TARS3: variants seen among roughly 807,000 people sequenced by gnomAD.
TARS3 encodes threonine--tRNA ligase 2, cytoplasmic.
A neutral mutation model predicts 103.5 loss-of-function variants in TARS3; 94 were observed. The ratio of observed to expected loss-of-function variants is 0.91; its 90% CI spans 0.77 to 1.08. The LOEUF is 1.08. Among genes scored for constraint, TARS3 ranks in the 50% least tolerant of loss-of-function variants. The pLI is 0.00. For missense variants in TARS3, 952 were observed against 995.2 expected, an observed-to-expected ratio of 0.96 and a Z score of 0.58; for synonymous variants, 416 against 355.4, an observed-to-expected ratio of 1.17 and a Z score of -1.92.
intron 12 of TARS3, among the ~76,000 whole-genome samples, chr15:101,677,824 G>T (rs575131533): frequency 6.6e-6 from 1 of 151,384 alleles, no homozygotes; most frequent in Non-Finnish European, 1.5e-5. Flanking sequence ...TAGAGACAGG[G>T]TTTCTCCATG....
chr15:101,682,200 T>C (rs1365002653), intron 12 of TARS3, among the ~76,000 whole-genome samples: 1 of 152,152 alleles, frequency 6.6e-6, no homozygotes, highest in African/African-American at 2.4e-5. Flanking sequence ...CCTTACCTAA[T>C]ATCTGATTTT....
At chr15:101,674,580 G>A (rs1897945801) in intron 13 of TARS3, among the ~76,000 whole-genome samples, 1 of 152,098 alleles carries the variant, frequency 6.6e-6, no homozygotes. Context: ...GCCGAGGCAG[G>A]AGGATCAGGA....
intron 2 of TARS3, among the ~76,000 whole-genome samples, chr15:101,721,653 C>G (rs1246568884): frequency 6.6e-6 from 1 of 152,124 alleles, no homozygotes; most frequent in Admixed American, 6.5e-5. Context: ...CACCACCCTG[C>G]CAGACTAATT....
At chr15:101,671,868 G>A (rs1162760996) in intron 13 of TARS3, 120 bp from the exon 14 acceptor site, 3 of 803,134 alleles carry the variant, frequency 3.7e-6, no homozygotes, top group Middle Eastern at 3.7e-4. Context: ...TATATTTATT[G>A]AGCATCTTTT....
intron 8 of TARS3, 26 bp downstream of exon 8, chr15:101,703,833 T>C (rs542128913): frequency 1.5e-4 from 226 of 1,482,400 alleles, no homozygotes; most frequent in Admixed American, 5.7e-4. Context: ...TTAAGTTTAC[T>C]GTATTAAAAA....
rs754237104 is a variant in TARS3, at chr15:101,721,154, T to C, written c.538A>G (p.Thr180Ala). 5.0e-6 allele frequency: 8 copies of C among 1,601,974 alleles called. No homozygotes were observed. Among genetic ancestry groups the C allele is most frequent in the South Asian group, 2.2e-5 (2 of 90,590 alleles). Residue 180 changes from threonine (T) to alanine (A), a missense_variant, in exon 3 of 19, where the codon ACG becomes GCG. Thr to Ala is a moderately conservative substitution (Grantham distance 58). Coordinates refer to ENST00000335968, the MANE Select transcript of TARS3 (RefSeq NM_152334.3). ...ATTTCAGCAGCCACTTGGTAAGGCGTTGTTTTCCAGACTTCCCCTTGCACT... is the reference window on the plus strand; with the variant it reads ...ATTTCAGCAGCCACTTGGTAAGGCGCTGTTTTCCAGACTTCCCCTTGCACT... The part of the protein sequence containing the change: ...QTVQGEVWKT[T>A]PYQVAAEISQ...
intron 15 of TARS3, among the ~76,000 whole-genome samples, chr15:101,663,203 T>A (rs1436381858): frequency 3.3e-5 from 5 of 152,188 alleles, no homozygotes; most frequent in East Asian, 3.8e-4. Context: ...AATTTTTTTT[T>A]AAATTATACT....
At chr15:101,688,327 C>G (rs1898562787) in intron 10 of TARS3, among the ~76,000 whole-genome samples, 1 of 152,124 alleles carries the variant, frequency 6.6e-6, no homozygotes, top group Admixed American at 6.6e-5. Flanking sequence ...AAATATGTCT[C>G]ATGCCATGCC....
chr15:101,672,492 A>G (rs1404043699), intron 13 of TARS3, among the ~76,000 whole-genome samples: 1 of 152,116 alleles, frequency 6.6e-6, no homozygotes, highest in Non-Finnish European at 1.5e-5. Context: ...CATCACCTCC[A>G]ACATACGGGT....
chr15:101,656,038 A>G, intron 18 of TARS3: 1 of 1,289,228 alleles, frequency 7.8e-7, no homozygotes. Context: ...TAAGTGGAAT[A>G]AGGTAGATAT....
intron 6 of TARS3, among the ~76,000 whole-genome samples, chr15:101,707,784 A>T (rs1271028642): frequency 6.6e-6 from 1 of 152,210 alleles, no homozygotes; most frequent in Non-Finnish European, 1.5e-5. Flanking sequence ...TGGTTTGACA[A>T]CATTGTCAAT....
chr15:101,670,545 T>C (rs1897754747), intron 15 of TARS3, among the ~76,000 whole-genome samples: 1 of 152,188 alleles, frequency 6.6e-6, no homozygotes, highest in Non-Finnish European at 1.5e-5. Context: ...ATGTGGAACA[T>C]CTGGAACTCT....
At chr15:101,700,599 A>G (rs952254522) in intron 10 of TARS3, among the ~76,000 whole-genome samples, 6 of 152,186 alleles carry the variant, frequency 3.9e-5, no homozygotes, top group African/African-American at 1.4e-4. Flanking sequence ...GGGAAACAGA[A>G]ATTATCTCCA....
chr15:101,670,876 A>G (rs1276013496), intron 15 of TARS3, among the ~76,000 whole-genome samples: 2 of 152,284 alleles, frequency 1.3e-5, no homozygotes, highest in East Asian at 3.9e-4. Context: ...TACGTGAAAG[A>G]AGCCAGTCTC....
chr15:101,680,299 TA>T (rs1037946183), intron 12 of TARS3, among the ~76,000 whole-genome samples: 7 of 152,268 alleles, frequency 4.6e-5, no homozygotes, highest in Non-Finnish European at 7.3e-5. Flanking sequence ...AGATATTGTC[TA>T]AAACTTTTCT....
intron 10 of TARS3, among the ~76,000 whole-genome samples, chr15:101,697,430 G>A (rs773306517): frequency 2.0e-5 from 3 of 152,132 alleles, no homozygotes; most frequent in Admixed American, 6.5e-5. Flanking sequence ...CTGGGGAGAC[G>A]TCCAGGCAGA....
chr15:101,697,074 A>G (rs1284584908), intron 10 of TARS3, among the ~76,000 whole-genome samples: 1 of 152,180 alleles, frequency 6.6e-6, no homozygotes, highest in African/African-American at 2.4e-5. Context: ...TAACCTGTTA[A>G]ATATTTATAC....
intron 4 of TARS3, among the ~76,000 whole-genome samples, chr15:101,713,210 A>C (rs989739350): frequency 2.6e-5 from 4 of 152,206 alleles, no homozygotes; most frequent in African/African-American, 9.7e-5. Flanking sequence ...AGGGCTCTGT[A>C]ATATAGAAAA....
At chr15:101,672,180 C>T (rs1411653738) in intron 13 of TARS3, among the ~76,000 whole-genome samples, 2 of 152,130 alleles carry the variant, frequency 1.3e-5, no homozygotes, top group African/African-American at 4.8e-5. Flanking sequence ...GCCAAGAGGG[C>T]AGGCCTTACT....
Sources: gnomAD v4.1 joint callset for allele counts (sites outside exome capture counted in the v4.1 genomes callset) on GRCh38, gnomAD v4.1.1 for gene constraint, MANE v1.5 for transcripts, NCBI Gene and HGNC (gene_info 2026-07-23, HGNC 2026-07-21) for gene names.